PLBD1: variants seen among roughly 807,000 people sequenced by gnomAD.
The protein encoded by PLBD1 is lysosomal leucine aminopeptidase.
PLBD1 carries 60 observed loss-of-function variants against 63.0 expected under a neutral mutation model. That is an observed-to-expected ratio of 0.95 (90% CI 0.77 to 1.18). The LOEUF (loss-of-function observed/expected upper bound fraction) is 1.18, where lower values mean the gene tolerates loss of function less well. Ranked by LOEUF, PLBD1 falls within the 50% of genes most tolerant of loss-of-function variation. The probability of loss-of-function intolerance (pLI) is 0.00; values close to 1 mark genes in which losing one functional copy is unlikely to be tolerated. For missense variants in PLBD1, 598 were observed against 677.9 expected (o/e 0.88, Z 1.31); for synonymous variants, 262 against 248.0 (o/e 1.06, Z -0.53).
At chr12:14,559,189 T>C (rs544101737) in intron 1 of PLBD1, among the ~76,000 whole-genome samples, 19 of 152,380 alleles carry the variant, frequency 1.2e-4, no homozygotes, top group African/African-American at 3.8e-4. Flanking sequence ...ATAATTCTAA[T>C]GCAAACCTAG....
rs557033161 is a variant in PLBD1, at chr12:14,534,093, G to A, written c.844+1566C>T. Reference sequence around the variant, plus strand: ...AGCCCTGAAGGTCAAAGCTGCAGTGGGCTAACATTGTACCGCTACACTCCA... The same window carrying A: ...AGCCCTGAAGGTCAAAGCTGCAGTGAGCTAACATTGTACCGCTACACTCCA... On this transcript the variant is annotated intron_variant, in intron 6 of 10. Coordinates refer to ENST00000240617, the MANE Select transcript of PLBD1 (RefSeq NM_024829.6). 1.6e-4 allele frequency among the ~76,000 whole-genome samples: 25 copies of A among 152,234 alleles called. No homozygotes were observed. In the East Asian group the frequency reaches 2.3e-3, roughly 14 times the overall value.
At chr12:14,523,783 T>A (rs757148165) in intron 6 of PLBD1, among the ~76,000 whole-genome samples, 3 of 152,130 alleles carry the variant, frequency 2.0e-5, no homozygotes, top group Non-Finnish European at 2.9e-5. Flanking sequence ...TGGAGAGGAA[T>A]GAAACTAGAC....
At chr12:14,534,328 A>G (rs1166433876) in intron 6 of PLBD1, among the ~76,000 whole-genome samples, 1 of 152,150 alleles carries the variant, frequency 6.6e-6, no homozygotes, top group Admixed American at 6.5e-5. Flanking sequence ...GACTTTGCTC[A>G]TAATGTTTCC....
intron 2 of PLBD1, among the ~76,000 whole-genome samples, chr12:14,551,824 A>G (rs934900519): frequency 2.0e-5 from 3 of 152,188 alleles, no homozygotes; most frequent in African/African-American, 7.2e-5. Flanking sequence ...AAATAACACA[A>G]TCAGAATTCA....
intron 8 of PLBD1, among the ~76,000 whole-genome samples, chr12:14,508,663 G>A (rs1307149435): frequency 2.6e-5 from 4 of 152,034 alleles, no homozygotes; most frequent in South Asian, 2.1e-4. Flanking sequence ...CCAGCTACTC[G>A]GGAGGCTGAG....
At chr12:14,510,937 G>A (rs975275443) in intron 8 of PLBD1, among the ~76,000 whole-genome samples, 8 of 152,172 alleles carry the variant, frequency 5.3e-5, no homozygotes, top group African/African-American at 1.9e-4. Flanking sequence ...CTGGGCCACA[G>A]TGGCACTCCA....
At chr12:14,535,838 A>T in intron 5 of PLBD1, 35 bp from the exon 6 acceptor site, 1 of 1,595,466 alleles carries the variant, frequency 6.3e-7, no homozygotes, top group Admixed American at 1.8e-5. Context: ...ACACAGATGT[A>T]CATAGCTAAC....
intron 6 of PLBD1, among the ~76,000 whole-genome samples, chr12:14,522,414 A>G (rs1438104388): frequency 6.6e-6 from 1 of 152,164 alleles, no homozygotes; most frequent in Non-Finnish European, 1.5e-5. Context: ...GGCCTCACTG[A>G]TGAGTTCTAC....
At chr12:14,545,208 G>A (rs1352236129) in intron 2 of PLBD1, among the ~76,000 whole-genome samples, 6 of 152,210 alleles carry the variant, frequency 3.9e-5, no homozygotes, top group African/African-American at 7.2e-5. Context: ...CAAGCTTACC[G>A]TTTCTTATAA....
chr12:14,559,838 T>C (rs1945732170), intron 1 of PLBD1, among the ~76,000 whole-genome samples: 1 of 151,708 alleles, frequency 6.6e-6, no homozygotes. Context: ...ACTTGTATAC[T>C]CTGATTAATA....
chr12:14,526,222 G>C (rs1365317665), intron 6 of PLBD1, among the ~76,000 whole-genome samples: 1 of 152,128 alleles, frequency 6.6e-6, no homozygotes, highest in East Asian at 1.9e-4. Context: ...TGATTGAAAA[G>C]AAAGCAAAAT....
chr12:14,529,966 C>A (rs1302781137), intron 6 of PLBD1, among the ~76,000 whole-genome samples: 1 of 152,158 alleles, frequency 6.6e-6, no homozygotes, highest in Non-Finnish European at 1.5e-5. Context: ...TCCACAAATT[C>A]TTTGGCACCC....
At position 14,553,232 on chromosome 12, in the gene PLBD1, A is replaced by G. The variant is rs771834034; in HGVS notation, c.296T>C (p.Met99Thr). Residue 99 changes from methionine to threonine, a missense_variant, in exon 2 of 11, where the codon ATG becomes ACG. Met to Thr is a moderately conservative substitution (Grantham distance 81). Transcript: ENST00000240617. ...GSQTLSNEII[M>T]FVAGFLEGYL... ...ACCCTCCAAAAAGCCAGCCACAAAC[A>G]TGATGATCTCATTGCTCAGGGTTTG... The G allele has an allele frequency of 2.5e-6, 4 of 1,613,968 alleles. No individual in the cohort carries two copies. The highest frequency in any genetic ancestry group is 2.5e-6 in the Non-Finnish European group (3 of 1,179,962).
chr12:14,517,315 T>C (rs1945344362), intron 6 of PLBD1, among the ~76,000 whole-genome samples: 1 of 152,016 alleles, frequency 6.6e-6, no homozygotes. Context: ...CTGGCTAAAT[T>C]TTTTAATTTT....
At chr12:14,529,305 G>T (rs1211673400) in intron 6 of PLBD1, among the ~76,000 whole-genome samples, 1 of 152,000 alleles carries the variant, frequency 6.6e-6, no homozygotes, top group Non-Finnish European at 1.5e-5. Flanking sequence ...ATGAGGATAA[G>T]CTTATCCTAA....
At chr12:14,544,301 G>A (rs1003224480) in intron 2 of PLBD1, among the ~76,000 whole-genome samples, 5 of 152,276 alleles carry the variant, frequency 3.3e-5, no homozygotes, top group Admixed American at 2.0e-4. Context: ...AGCCTCCCGA[G>A]TAGCTGGGAC....
intron 6 of PLBD1, among the ~76,000 whole-genome samples, chr12:14,520,001 A>G (rs1471675997): frequency 6.6e-6 from 1 of 152,198 alleles, no homozygotes; most frequent in Non-Finnish European, 1.5e-5. Context: ...TCTGAATATG[A>G]ACTGTGTCCT....
chr12:14,511,629 T>G lies in PLBD1; in HGVS notation c.927A>C (p.Lys309Asn), dbSNP rs1397240654. 1 of 1,614,172 alleles carries G rather than the reference T, an allele frequency of 6.2e-7. No individual in the cohort carries two copies. Among genetic ancestry groups the G allele is most frequent in the Non-Finnish European group, 8.5e-7 (1 of 1,180,016 alleles). Residue 309 changes from lysine (K) to asparagine (N), a missense_variant, in exon 7 of 11, where the codon AAA becomes AAC. Lys to Asn is a moderately conservative substitution (Grantham distance 94). Transcript: ENST00000240617. The part of the protein sequence containing the change: ...LLQTTNSVFN[K>N]TLLKQVIPET... The stretch of plus-strand genomic sequence containing the variant: ...CGGGTATTACCTGCTTTAGCAGGGT[T>G]TTATTAAACACACTGTTTGTGGTCT...
chr12:14,565,342 T>C (rs1026446283), intron 1 of PLBD1, among the ~76,000 whole-genome samples: 1 of 151,942 alleles, frequency 6.6e-6, no homozygotes, highest in Non-Finnish European at 1.5e-5. Context: ...GGTGTGTGCC[T>C]GTAATCCCAG....
Sources: allele counts gnomAD v4.1 joint callset (sites outside exome capture counted in the v4.1 genomes callset), GRCh38; gene constraint gnomAD v4.1.1; transcripts MANE v1.5; gene names NCBI Gene and HGNC (gene_info 2026-07-23, HGNC 2026-07-21).